ST8SIA6: variants seen among roughly 807,000 people sequenced by gnomAD.
ST8SIA6 encodes ST8 alpha-N-acetyl-neuraminide alpha-2,8-sialyltransferase 6.
ST8SIA6 carries 39 observed loss-of-function variants against 33.6 expected under a neutral mutation model. The ratio of observed to expected loss-of-function variants is 1.16; its 90% CI spans 0.90 to 1.52. The LOEUF (loss-of-function observed/expected upper bound fraction) is 1.52. Among genes scored for constraint, ST8SIA6 ranks in the 40% most tolerant of loss-of-function variants. ST8SIA6 has a pLI of 0.00. For missense variants in ST8SIA6, 441 were observed against 443.8 expected (o/e 0.99, Z 0.06); for synonymous variants, 172 against 167.2 (o/e 1.03, Z -0.22).
At chr10:17,380,520 G>GA (rs201985787) in intron 3 of ST8SIA6, among the ~76,000 whole-genome samples, 4,116 of 151,708 alleles carry the variant, frequency 0.027, 65 homozygotes, top group South Asian at 0.06. Flanking sequence ...CCATCAAAAG[G>GA]AAAAAAAAGA....
At chr10:17,414,961 C>A (rs1050669850) in intron 2 of ST8SIA6, among the ~76,000 whole-genome samples, 1 of 152,014 alleles carries the variant, frequency 6.6e-6, no homozygotes, top group African/African-American at 2.4e-5. Context: ...TATGTTCTGG[C>A]TCCTGCCCGT....
At chr10:17,329,009 C>T (rs1848218618) in intron 5 of ST8SIA6, among the ~76,000 whole-genome samples, 1 of 152,104 alleles carries the variant, frequency 6.6e-6, no homozygotes, top group Non-Finnish European at 1.5e-5. Context: ...TGACAACAGC[C>T]CAGGGCCGAT....
At chr10:17,358,708 AGGAAAG>A (rs1849283978) in intron 4 of ST8SIA6, among the ~76,000 whole-genome samples, 3 of 131,548 alleles carry the variant, frequency 2.3e-5, no homozygotes, top group South Asian at 5.6e-4. Context: ...GAGGAGGAGG[AGGAAAG>A]AAGAAAGAAG....
At chr10:17,437,333 TA>T (rs1852301675) in intron 2 of ST8SIA6, among the ~76,000 whole-genome samples, 1 of 152,184 alleles carries the variant, frequency 6.6e-6, no homozygotes, top group Non-Finnish European at 1.5e-5. Context: ...AATTTTATTT[TA>T]TTTTTTAATT....
intron 3 of ST8SIA6, among the ~76,000 whole-genome samples, chr10:17,387,584 C>T (rs1309830437): frequency 1.3e-5 from 2 of 151,990 alleles, no homozygotes; most frequent in Non-Finnish European, 2.9e-5. Context: ...CTAGGATTTT[C>T]ATAGGGCTAT....
chr10:17,378,539 G>C lies in ST8SIA6; in HGVS notation c.290+11992C>G, dbSNP rs1450020289. Among the ~76,000 whole-genome samples, 4 of 152,224 alleles carry C rather than the reference G, an allele frequency of 2.6e-5. No individual in the cohort carries two copies. In the South Asian group the frequency reaches 6.2e-4, roughly 24 times the overall value. ...TCATTTTGTCTATGTCTGATGTGTG[G>C]AGGGTGCCACAAAAGGTTTGGAACT... is the stretch of plus-strand genomic sequence containing the variant. On this transcript the variant is annotated intron_variant, in intron 3 of 7. Coordinates refer to ENST00000377602, the MANE Select transcript of ST8SIA6 (RefSeq NM_001004470.3).
At chr10:17,390,685 C>A in intron 2 of ST8SIA6, 65 bp from the exon 3 acceptor site, 1 of 1,309,714 alleles carries the variant, frequency 7.6e-7, no homozygotes, top group Non-Finnish European at 1.1e-6. Context: ...ATATTGTTAA[C>A]AAAAATCAGA....
At chr10:17,372,090 C>T (rs1022321012) in intron 3 of ST8SIA6, among the ~76,000 whole-genome samples, 2 of 152,056 alleles carry the variant, frequency 1.3e-5, no homozygotes, top group Non-Finnish European at 2.9e-5. Context: ...ATTTAATGTA[C>T]GACTAGAACT....
At chr10:17,351,655 C>T (rs1849033236) in intron 4 of ST8SIA6, among the ~76,000 whole-genome samples, 2 of 151,964 alleles carry the variant, frequency 1.3e-5, no homozygotes, top group South Asian at 4.2e-4. Flanking sequence ...GCCTAAGTGT[C>T]CATCAATGGC....
intron 2 of ST8SIA6, among the ~76,000 whole-genome samples, chr10:17,413,870 T>C (rs987465239): frequency 2.0e-5 from 3 of 152,226 alleles, no homozygotes; most frequent in African/African-American, 7.2e-5. Flanking sequence ...ATTTGTTCCT[T>C]GGAATAATCC....
intron 2 of ST8SIA6, among the ~76,000 whole-genome samples, chr10:17,440,540 A>G (rs1852443500): frequency 1.3e-5 from 2 of 152,102 alleles, no homozygotes; most frequent in Non-Finnish European, 2.9e-5. Flanking sequence ...TCAAATGTTA[A>G]ACTTTGCCTC....
chr10:17,393,558 C>T (rs1850696991), intron 2 of ST8SIA6, among the ~76,000 whole-genome samples: 3 of 152,150 alleles, frequency 2.0e-5, no homozygotes, highest in Admixed American at 6.5e-5. Context: ...CTGATTGCAA[C>T]GTGGGAGTCA....
chr10:17,419,542 CAAAAACAA>C (rs1851712875), intron 2 of ST8SIA6, among the ~76,000 whole-genome samples: 1 of 143,016 alleles, frequency 7.0e-6, no homozygotes, highest in South Asian at 2.6e-4. Context: ...AACAAGCAAA[CAAAAACAA>C]AAAAACAAAA....
intron 3 of ST8SIA6, among the ~76,000 whole-genome samples, chr10:17,385,287 C>T (rs1850292235): frequency 6.6e-6 from 1 of 152,142 alleles, no homozygotes; most frequent in Non-Finnish European, 1.5e-5. Context: ...CCTGGAAGTT[C>T]CCCCCACACT....
At chr10:17,335,531 A>T (rs1033985797) in intron 4 of ST8SIA6, among the ~76,000 whole-genome samples, 1 of 152,184 alleles carries the variant, frequency 6.6e-6, no homozygotes, top group Admixed American at 6.5e-5. Flanking sequence ...TTATCAGTTA[A>T]ATATGTTAAA....
At chr10:17,376,656 T>G (rs1405558450) in intron 3 of ST8SIA6, among the ~76,000 whole-genome samples, 2 of 152,194 alleles carry the variant, frequency 1.3e-5, no homozygotes, top group Non-Finnish European at 2.9e-5. Flanking sequence ...GACATTTTTC[T>G]AAAAATACAG....
chr10:17,373,981 A>G (rs1407128658), intron 3 of ST8SIA6, among the ~76,000 whole-genome samples: 2 of 152,088 alleles, frequency 1.3e-5, no homozygotes, highest in African/African-American at 4.8e-5. Context: ...TCTTCAGCAT[A>G]GTAAAAATGA....
At chr10:17,338,825 G>C (rs1377985394) in intron 4 of ST8SIA6, among the ~76,000 whole-genome samples, 3 of 152,186 alleles carry the variant, frequency 2.0e-5, no homozygotes, top group Non-Finnish European at 4.4e-5. Context: ...TGCAACCCAG[G>C]TTCAAAAGAG....
Position 17,428,843 on chromosome 10 carries a change from C to G in ST8SIA6, c.200+24716G>C, listed in dbSNP as rs888382952. Reference sequence around the variant, plus strand: ...TAATACAAGGATAGATGCCTGTTGGCTATGTTGCCGACCATCTCGGCAGAA... The same window carrying G: ...TAATACAAGGATAGATGCCTGTTGGGTATGTTGCCGACCATCTCGGCAGAA... On this transcript the variant is annotated intron_variant, in intron 2 of 7. Coordinates refer to ENST00000377602, the MANE Select transcript of ST8SIA6 (RefSeq NM_001004470.3). Among the ~76,000 whole-genome samples the G allele has an allele frequency of 7.2e-5, 11 of 152,282 alleles. No homozygotes were observed. The South Asian group carries it at 2.3e-3, about 32-fold the overall frequency.
Sources: gnomAD v4.1 joint callset for allele counts (sites outside exome capture counted in the v4.1 genomes callset) on GRCh38, gnomAD v4.1.1 for gene constraint, MANE v1.5 for transcripts, NCBI Gene and HGNC (gene_info 2026-07-23, HGNC 2026-07-21) for gene names.